The following FOXN3 variants were observed in gnomAD, a reference collection of about 807,000 sequenced individuals.
FOXN3 encodes forkhead box N3, also known as forkhead box protein N3.
In FOXN3, 7 loss-of-function variants were observed where a neutral mutation model predicts 38.4. The observed-to-expected ratio is 0.18, with a 90% CI of 0.10 to 0.34. The LOEUF is 0.34. Ranked by LOEUF, FOXN3 falls within the 10% of genes least tolerant of loss-of-function variation. The pLI, the probability that FOXN3 is intolerant of heterozygous loss-of-function variation, is 1.00. For missense variants in FOXN3, 456 were observed against 613.4 expected (o/e 0.74, Z 2.71); for synonymous variants, 230 against 242.2 (o/e 0.95, Z 0.47).
chr14:89,392,837 C>T (rs1430425600), intron 2 of FOXN3, among the ~76,000 whole-genome samples: 1 of 148,350 alleles, frequency 6.7e-6, no homozygotes, highest in South Asian at 2.1e-4. Context: ...GACAGCATCT[C>T]GCTCTGTCGC....
intron 3 of FOXN3, among the ~76,000 whole-genome samples, chr14:89,311,593 A>G (rs1445306128): frequency 2.6e-5 from 4 of 151,632 alleles, no homozygotes; most frequent in Admixed American, 1.3e-4. Flanking sequence ...TTGGGAGGCC[A>G]AGGTGGGCGG....
Position 89,163,028 on chromosome 14 carries a change from C to T in FOXN3, c.852-59G>A. On this transcript the variant is annotated intron_variant, in intron 5 of 5. Coordinates refer to ENST00000557258, the MANE Select transcript of FOXN3 (RefSeq NM_005197.4). The surrounding 1 kb of genome is among the most constrained non-coding windows in gnomAD (Gnocchi z 4.3). ...ACAAAGAAGGGACACAGTTAGACGT[C>T]CTCAGATGGGGGCACCCGGCAGCCC... 1 of 1,440,706 alleles carries T rather than the reference C, an allele frequency of 6.9e-7. No individual in the cohort carries two copies. Among genetic ancestry groups the T allele is most frequent in the Non-Finnish European group, 9.1e-7 (1 of 1,093,530 alleles). The allele number at this position is 1,440,706 out of a possible 1,614,324, so 89.2% of individuals were successfully genotyped here.
rs574719133 is a variant in FOXN3, at chr14:89,513,150, G to GGA, written c.-14-100661_-14-100660insTC. The stretch of plus-strand genomic sequence containing the variant: ...GCAACAGAGTGAGATTCCATCTCAG[G>GGA]AAAAAAAAAAAAAAAAAAAGAAAAA... On this transcript the variant is annotated intron_variant, in intron 1 of 6. Transcript: ENST00000345097. 4.2e-4 allele frequency among the ~76,000 whole-genome samples: 43 copies of GGA among 102,082 alleles called. 1 individual carries two copies. The highest frequency in any genetic ancestry group is 1.5e-3 in the African/African-American group (42 of 27,446). 67.0% of individuals were successfully genotyped at this position (102,082 alleles called of 152,430 possible). A position where few individuals can be genotyped will look rare whatever the true frequency, so the allele number is the denominator to read the frequency against.
At chr14:89,468,613 G>A (rs749330989) in intron 1 of FOXN3, among the ~76,000 whole-genome samples, 30 of 152,192 alleles carry the variant, frequency 2.0e-4, no homozygotes, top group East Asian at 1.2e-3. Context: ...GTTAACACAC[G>A]TAAACTTCTT....
At chr14:89,473,056 G>A (rs144701661) in intron 1 of FOXN3, among the ~76,000 whole-genome samples, 2,975 of 151,824 alleles carry the variant, frequency 0.02, 83 homozygotes, top group African/African-American at 0.067. Flanking sequence ...ATGGAGTCTC[G>A]CTCTGTCACC....
chr14:89,501,166 T>A (rs939240147), intron 1 of FOXN3, among the ~76,000 whole-genome samples: 1 of 152,248 alleles, frequency 6.6e-6, no homozygotes, highest in Admixed American at 6.5e-5. Context: ...ACTGTACACA[T>A]GTATCTTATG....
rs186863151 is a variant in FOXN3, at chr14:89,354,288, C to G, written c.544-3480G>C. 5.8e-4 allele frequency among the ~76,000 whole-genome samples: 88 copies of G among 150,978 alleles called. No individual in the cohort carries two copies. In the East Asian group the frequency reaches 0.012, roughly 21 times the overall value. Reference sequence around the variant, plus strand: ...TGTTGCCCAGGCTGGAGCGCAGTGGCACAATCTTGGCTCATTGCAATCTCC... The same window carrying G: ...TGTTGCCCAGGCTGGAGCGCAGTGGGACAATCTTGGCTCATTGCAATCTCC... On this transcript the variant is annotated intron_variant, in intron 2 of 5. Coordinates refer to ENST00000557258, the MANE Select transcript of FOXN3 (RefSeq NM_005197.4).
chr14:89,340,167 A>C (rs1379197544), intron 3 of FOXN3, among the ~76,000 whole-genome samples: 2 of 152,160 alleles, frequency 1.3e-5, no homozygotes, highest in African/African-American at 4.8e-5. Context: ...TCCCCTCTGA[A>C]TGTGTTTTTC....
At chr14:89,244,926 C>T (rs921790399) in intron 4 of FOXN3, among the ~76,000 whole-genome samples, 1 of 152,128 alleles carries the variant, frequency 6.6e-6, no homozygotes, top group Non-Finnish European at 1.5e-5. Flanking sequence ...AAGCACTGTT[C>T]GATATGCTGG....
chr14:89,221,044 T>A (rs962439083), intron 4 of FOXN3, among the ~76,000 whole-genome samples: 5 of 152,064 alleles, frequency 3.3e-5, no homozygotes, highest in Non-Finnish European at 7.3e-5. Flanking sequence ...AACCTATTTT[T>A]ACACCAACAA....
Position 89,422,517 on chromosome 14 carries a change from A to G in FOXN3, c.-14-10027T>C, listed in dbSNP as rs147810209. 3.7e-3 allele frequency among the ~76,000 whole-genome samples: 559 copies of G among 152,382 alleles called. 2 individuals carry two copies. Among genetic ancestry groups the G allele is most frequent in the African/African-American group, 0.013 (542 of 41,590 alleles). On this transcript the variant is annotated intron_variant, in intron 1 of 6. Coordinates refer to the FOXN3 transcript ENST00000345097. ...AGAGAGGGGGAGATTATGTTCAAAG[A>G]TAACTCCTTAATCATGGGTTGACTA... is the stretch of plus-strand genomic sequence containing the variant.
At chr14:89,198,333 T>C (rs970674177) in intron 4 of FOXN3, among the ~76,000 whole-genome samples, 6 of 152,134 alleles carry the variant, frequency 3.9e-5, no homozygotes, top group Admixed American at 3.3e-4. Context: ...ATACAAATAC[T>C]ACACTGTTTT....
intron 3 of FOXN3, among the ~76,000 whole-genome samples, chr14:89,326,973 C>A (rs1596186608): frequency 6.6e-6 from 1 of 152,200 alleles, no homozygotes; most frequent in East Asian, 1.9e-4. Flanking sequence ...AATATGCACA[C>A]ACACACATGC....
At chr14:89,347,127 T>C (rs913951185) in intron 3 of FOXN3, among the ~76,000 whole-genome samples, 1 of 151,390 alleles carries the variant, frequency 6.6e-6, no homozygotes, top group African/African-American at 2.4e-5. Flanking sequence ...CTCCCCAAAA[T>C]TCCTACATTG....
At chr14:89,461,521 A>G (rs984630550) in intron 1 of FOXN3, among the ~76,000 whole-genome samples, 5 of 152,206 alleles carry the variant, frequency 3.3e-5, no homozygotes, top group Non-Finnish European at 5.9e-5. Flanking sequence ...TAATAAATAC[A>G]CTAATGAACT....
At chr14:89,236,607 C>T (rs144360154) in intron 4 of FOXN3, among the ~76,000 whole-genome samples, 3,739 of 152,286 alleles carry the variant, frequency 0.025, 46 homozygotes, top group Middle Eastern at 0.031. Context: ...TGGCAAGGGG[C>T]TATGGGAGCT....
intron 1 of FOXN3, among the ~76,000 whole-genome samples, chr14:89,498,479 CA>C (rs1893733498): frequency 2.0e-5 from 3 of 152,112 alleles, no homozygotes; most frequent in African/African-American, 7.2e-5. Flanking sequence ...CCTCTGCCTC[CA>C]AAAGTGCTGG....
chr14:89,542,915 C>A (rs1894819477), intron 1 of FOXN3, among the ~76,000 whole-genome samples: 1 of 152,210 alleles, frequency 6.6e-6, no homozygotes, highest in African/African-American at 2.4e-5. Flanking sequence ...CATCTTCCTG[C>A]ACTACAACCC....
At chr14:89,320,524 C>G (rs367579168) in intron 3 of FOXN3, among the ~76,000 whole-genome samples, 1 of 152,332 alleles carries the variant, frequency 6.6e-6, no homozygotes, top group African/African-American at 2.4e-5. Flanking sequence ...TTTCACATAA[C>G]CTGGTATCCT....
Sources: allele counts gnomAD v4.1 joint callset (sites outside exome capture counted in the v4.1 genomes callset), GRCh38; gene constraint gnomAD v4.1.1; non-coding constraint Gnocchi (gnomAD v3.1); transcripts MANE v1.5; gene names NCBI Gene and HGNC (gene_info 2026-07-23, HGNC 2026-07-21).